HDAC2: variants seen among roughly 807,000 people sequenced by gnomAD.
The protein encoded by HDAC2 is histone deacetylase 2.
HDAC2 carries 5 observed loss-of-function variants against 68.5 expected under a neutral mutation model. The ratio of observed to expected loss-of-function variants is 0.07; its 90% CI spans 0.04 to 0.15. The LOEUF (loss-of-function observed/expected upper bound fraction) is 0.15, where lower values mean the gene tolerates loss of function less well. Among genes scored for constraint, HDAC2 ranks in the 10% least tolerant of loss-of-function variants. The pLI is 1.00. For missense variants in HDAC2, 291 were observed against 600.8 expected, an observed-to-expected ratio of 0.48 and a Z score of 5.39; for synonymous variants, 182 against 191.3, an observed-to-expected ratio of 0.95 and a Z score of 0.40.
intron 5 of HDAC2, among the ~76,000 whole-genome samples, chr6:113,955,344 GC>G (rs1428870789): frequency 7.2e-5 from 11 of 152,010 alleles, no homozygotes; most frequent in Non-Finnish European, 1.6e-4. Flanking sequence ...CTCCTGAGTA[GC>G]TGGGATTACA....
intron 1 of HDAC2, among the ~76,000 whole-genome samples, chr6:113,963,138 C>A (rs1286656697): frequency 1.3e-5 from 2 of 151,418 alleles, no homozygotes; most frequent in African/African-American, 4.9e-5. Context: ...GGCTGGAGTG[C>A]GGTGATGTGA....
At chr6:113,951,535 T>C (rs1293862240) in intron 6 of HDAC2, among the ~76,000 whole-genome samples, 2 of 150,122 alleles carry the variant, frequency 1.3e-5, no homozygotes, top group African/African-American at 2.5e-5. Context: ...TGGAGCGATC[T>C]CGGCTCACAG....
intron 4 of HDAC2, 141 bp from the exon 5 acceptor site, chr6:113,956,292 A>T (rs1776550686): frequency 1.5e-6 from 1 of 689,356 alleles, no homozygotes. Flanking sequence ...CTATAACACA[A>T]ATAGGAGTTA....
intron 8 of HDAC2, chr6:113,948,738 G>A (rs1047878579): frequency 7.1e-6 from 3 of 422,548 alleles, no homozygotes; most frequent in East Asian, 7.4e-5. Context: ...AAAAATAGCT[G>A]CCTTGGGTTC....
At chr6:113,947,771 T>C (rs998154440) in intron 8 of HDAC2, 1 of 152,142 alleles carries the variant, frequency 6.6e-6, no homozygotes. Context: ...TAACATAGAA[T>C]AACAGATTAT....
chr6:113,947,061 C>T (rs1344165352), intron 8 of HDAC2: 2 of 152,076 alleles, frequency 1.3e-5, no homozygotes, highest in African/African-American at 4.8e-5. Context: ...TCAATAGTTG[C>T]AACATGTGAT....
chr6:113,934,135 T>G lies in HDAC2; in HGVS notation c.*6923A>C, dbSNP rs1775948461. Reference sequence around the variant, plus strand: ...AACCAAGAAATAGATTTCATACCTATTACACATAAAGATATAAAGGCATAT... The same window carrying G: ...AACCAAGAAATAGATTTCATACCTAGTACACATAAAGATATAAAGGCATAT... On this transcript the variant is annotated 3_prime_UTR_variant, in exon 14 of 14. Coordinates refer to ENST00000519065, the MANE Select transcript of HDAC2 (RefSeq NM_001527.4). 6.6e-6 allele frequency: 1 copy of G among 152,166 alleles called. No individual in the cohort carries two copies. The highest frequency in any genetic ancestry group is 2.1e-4 in the South Asian group (1 of 4,830). 9.4% of individuals were successfully genotyped at this position (152,166 alleles called of 1,614,324 possible).
intron 1 of HDAC2, among the ~76,000 whole-genome samples, chr6:113,965,064 A>G (rs1350352118): frequency 2.6e-5 from 4 of 152,162 alleles, no homozygotes; most frequent in Admixed American, 1.3e-4. Flanking sequence ...ACAACTCCTT[A>G]CCAATTATTT....
At chr6:113,959,639 A>G in intron 2 of HDAC2, 1 of 201,038 alleles carries the variant, frequency 5.0e-6, no homozygotes, top group Non-Finnish European at 9.8e-6. Flanking sequence ...TGCTACACTG[A>G]GTTGTTGCTA....
At chr6:113,959,596 TA>T (rs771822379) in intron 2 of HDAC2, 17,356 of 122,194 alleles carry the variant, frequency 0.14, 1,366 homozygotes, top group African/African-American at 0.26. Context: ...ACAATTATTG[TA>T]AAAAAAAAAA....
chr6:113,970,447 G>C, intron 1 of HDAC2: 1 of 1,048,480 alleles, frequency 9.5e-7, no homozygotes, highest in Non-Finnish European at 1.1e-6. Context: ...GACGGGTCGA[G>C]GGGGTAGGAG....
rs749215157 is a variant in HDAC2 at position 113,971,002 on chromosome 6, G to A, written c.-94C>T. The A allele has an allele frequency of 5.7e-6, 9 of 1,576,918 alleles. No individual in the cohort carries two copies. The African/African-American group carries it at 1.1e-4, about 19-fold the overall frequency. On this transcript the variant is annotated 5_prime_UTR_variant, in exon 1 of 14. Transcript: ENST00000519065. ...GGCTCGGCCGGGAGAGAAAAGGGCTGAGGGAAACGTGGGGGCGATAGTCCC... is the reference window on the plus strand; with the variant it reads ...GGCTCGGCCGGGAGAGAAAAGGGCTAAGGGAAACGTGGGGGCGATAGTCCC...
In HDAC2 at chr6:113,956,535, A is replaced by T. The variant is rs192032395; in HGVS notation, c.358+84T>A. On this transcript the variant is annotated intron_variant, in intron 4 of 13. Transcript: ENST00000519065. Reference sequence around the variant, plus strand: ...TTTGTTATCAAAATTCACAATCATTAAAACTTCTGTTTTACACAAATAACC... The same window carrying T: ...TTTGTTATCAAAATTCACAATCATTTAAACTTCTGTTTTACACAAATAACC... The T allele has an allele frequency of 2.2e-4, 205 of 927,120 alleles. 1 individual carries two copies. In the East Asian group the frequency reaches 4.0e-3, roughly 18 times the overall value. The allele number at this position is 927,120 out of a possible 1,614,324, so 57.4% of individuals were successfully genotyped here.
chr6:113,937,450 G>A lies in HDAC2; in HGVS notation c.*3608C>T, dbSNP rs1356099405. 4 of 152,320 alleles carry A rather than the reference G, an allele frequency of 2.6e-5. No homozygotes were observed. The highest frequency in any genetic ancestry group is 6.5e-5 in the Admixed American group (1 of 15,306). 9.4% of individuals were successfully genotyped at this position (152,320 alleles called of 1,614,324 possible). On this transcript the variant is annotated 3_prime_UTR_variant, in exon 14 of 14. Transcript: ENST00000519065. The stretch of plus-strand genomic sequence containing the variant: ...GAACAGCATTCACCCATGCCATAGA[G>A]AACTGAGACAATGTGGCACCTTCAT...
intron 1 of HDAC2, 132 bp downstream of exon 1, chr6:113,970,725 G>T: frequency 7.2e-7 from 1 of 1,397,772 alleles, no homozygotes; most frequent in South Asian, 1.6e-5. Flanking sequence ...GGCCGGGAAC[G>T]GGTTAAGATG....
At chr6:113,950,687 C>A (rs938555427) in intron 6 of HDAC2, among the ~76,000 whole-genome samples, 2 of 87,172 alleles carry the variant, frequency 2.3e-5, no homozygotes, top group African/African-American at 4.9e-5. Context: ...TGAGCCACTG[C>A]GCCTGAGTGG....
rs1413074958 is a variant in HDAC2 at position 113,936,315 on chromosome 6, G to T, written c.*4743C>A. The T allele has an allele frequency of 6.6e-6, 1 of 152,078 alleles. No individual in the cohort carries two copies. The highest frequency in any genetic ancestry group is 1.5e-5 in the Non-Finnish European group (1 of 68,016). 9.4% of individuals were successfully genotyped at this position (152,078 alleles called of 1,614,324 possible). A position where few individuals can be genotyped will look rare whatever the true frequency, so the allele number is the denominator to read the frequency against. On this transcript the variant is annotated 3_prime_UTR_variant, in exon 14 of 14. Transcript: ENST00000519065. The stretch of plus-strand genomic sequence containing the variant: ...TATCTGCCATCTTGTGGTACAGTGA[G>T]GAAATGCAGCAATTGAGAAGCTTCT...
intron 7 of HDAC2, 35 bp from the exon 8 acceptor site, chr6:113,949,122 T>C (rs1776337420): frequency 6.2e-7 from 1 of 1,609,460 alleles, no homozygotes; most frequent in Non-Finnish European, 8.5e-7. Flanking sequence ...GCATCTCCAA[T>C]AACATTCTGA....
intron 10 of HDAC2, 131 bp from the exon 11 acceptor site, chr6:113,944,541 G>T: frequency 1.4e-6 from 1 of 727,190 alleles, no homozygotes; most frequent in Non-Finnish European, 2.3e-6. Context: ...GTCTCTCTTT[G>T]TTGCCCAGAC....
Sources: allele counts gnomAD v4.1 joint callset (sites outside exome capture counted in the v4.1 genomes callset), GRCh38; gene constraint gnomAD v4.1.1; transcripts MANE v1.5; gene names NCBI Gene and HGNC (gene_info 2026-07-23, HGNC 2026-07-21).